BCKDHA: variants seen among roughly 807,000 people sequenced by gnomAD.
BCKDHA encodes 2-oxoisovalerate dehydrogenase subunit alpha, mitochondrial.
Under a neutral mutation model 52.2 loss-of-function variants are expected in BCKDHA, and 43 were observed. The observed-to-expected ratio is 0.82, with a 90% CI of 0.64 to 1.06. The LOEUF (loss-of-function observed/expected upper bound fraction) is 1.06, where lower values mean the gene tolerates loss of function less well. BCKDHA is among the 50% of genes least tolerant of loss of function. The pLI is 0.00. For synonymous variants in BCKDHA, 234 were observed against 247.9 expected, an observed-to-expected ratio of 0.94 and a Z score of 0.53; for missense variants, 527 against 621.3, an observed-to-expected ratio of 0.85 and a Z score of 1.61.
intron 4 of BCKDHA, among the ~76,000 whole-genome samples, chr19:41,414,465 C>T (rs973778354): frequency 1.3e-5 from 2 of 152,140 alleles, no homozygotes; most frequent in African/African-American, 2.4e-5. Context: ...GGGATTATGA[C>T]GGTACCTGCA....
chr19:41,411,218 C>T (rs2039250483), intron 3 of BCKDHA, among the ~76,000 whole-genome samples: 1 of 152,164 alleles, frequency 6.6e-6, no homozygotes, highest in African/African-American at 2.4e-5. Flanking sequence ...CTAAAAAACA[C>T]CTACTGTGTG....
chr19:41,404,053 C>A (rs1231623046), intron 1 of BCKDHA, among the ~76,000 whole-genome samples: 2 of 152,118 alleles, frequency 1.3e-5, no homozygotes, highest in African/African-American at 4.8e-5. Flanking sequence ...GATCTTGGCT[C>A]ACTGCAACCT....
chr19:41,417,414 T>C (rs1318270982), intron 4 of BCKDHA, among the ~76,000 whole-genome samples: 1 of 152,172 alleles, frequency 6.6e-6, no homozygotes, highest in Admixed American at 6.5e-5. Context: ...CAAGGTCCTG[T>C]ATCAGTCCCT....
At chr19:41,420,561 T>C (rs2039353333) in intron 5 of BCKDHA, among the ~76,000 whole-genome samples, 1 of 151,356 alleles carries the variant, frequency 6.6e-6, no homozygotes, top group Admixed American at 6.6e-5. Flanking sequence ...ATCGTGCCAT[T>C]GCACTCTAGC....
At chr19:41,409,112 G>A (rs1599952039) in intron 1 of BCKDHA, among the ~76,000 whole-genome samples, 2 of 152,228 alleles carry the variant, frequency 1.3e-5, no homozygotes, top group East Asian at 3.9e-4. Context: ...ACCACGCCCA[G>A]CTAATTTTTG....
At chr19:41,400,905 G>T (rs1333529563) in intron 1 of BCKDHA, among the ~76,000 whole-genome samples, 2 of 151,536 alleles carry the variant, frequency 1.3e-5, no homozygotes. Context: ...CCAGCTACTT[G>T]GGAGGCTGAG....
chr19:41,422,038 C>T, intron 5 of BCKDHA, 126 bp from the exon 6 acceptor site: 1 of 935,448 alleles, frequency 1.1e-6, no homozygotes, highest in South Asian at 1.4e-5. Context: ...TGAGGTGTTT[C>T]CTTTCCCCTT....
At chr19:41,407,403 C>T (rs2039205216) in intron 1 of BCKDHA, among the ~76,000 whole-genome samples, 1 of 152,166 alleles carries the variant, frequency 6.6e-6, no homozygotes, top group South Asian at 2.1e-4. Flanking sequence ...TCTTGAGTGC[C>T]TGCTGTGAAG....
At chr19:41,414,214 T>C in intron 4 of BCKDHA, 57 bp downstream of exon 4, 1 of 1,490,496 alleles carries the variant, frequency 6.7e-7, no homozygotes, top group South Asian at 1.1e-5. Context: ...ACTTTAGTTT[T>C]TCTGAGTGTT....
At chr19:41,421,143 G>A (rs760504416) in intron 5 of BCKDHA, among the ~76,000 whole-genome samples, 111 of 152,286 alleles carry the variant, frequency 7.3e-4, no homozygotes, top group Non-Finnish European at 1.1e-3. Context: ...AAGGTAATAG[G>A]GTTTCCACAA....
In BCKDHA at chr19:41,424,578, G is replaced by A. The variant is rs755138169; in HGVS notation, c.1308G>A (p.Glu436=). 4 of 1,612,780 alleles carry A rather than the reference G, an allele frequency of 2.5e-6. No homozygotes were observed. The highest frequency in any genetic ancestry group is 3.4e-6 in the Non-Finnish European group (4 of 1,179,112). Residue 436 remains glutamate, a synonymous_variant, in exon 9 of 9, where the codon GAG becomes GAA. Coordinates refer to ENST00000269980, the MANE Select transcript of BCKDHA (RefSeq NM_000709.4). ...SLARHLQTYG[E]HYPLDHFDK is the part of the protein sequence containing the mutation. ...CCCGCCACCTGCAGACCTACGGGGA[G>A]CACTACCCACTGGATCACTTCGATA...
At chr19:41,412,603 C>G (rs1173752749) in intron 3 of BCKDHA, among the ~76,000 whole-genome samples, 3 of 151,618 alleles carry the variant, frequency 2.0e-5, no homozygotes, top group Non-Finnish European at 4.4e-5. Context: ...GTCTCGAACT[C>G]CCTACCTCAG....
In BCKDHA at chr19:41,422,609, C is replaced by T. The variant is rs1419250111; in HGVS notation, c.854-20C>T. On this transcript the variant is annotated intron_variant, in intron 6 of 8. Transcript: ENST00000269980. ...CTTATCTCAGCCCTGGCCTGACCTGCCTTCTCTGTGTCCCCACAGCAGCAC... is the reference window on the plus strand; with the variant it reads ...CTTATCTCAGCCCTGGCCTGACCTGTCTTCTCTGTGTCCCCACAGCAGCAC... 2 of 1,613,584 alleles carry T rather than the reference C, an allele frequency of 1.2e-6. No individual in the cohort carries two copies. The highest frequency in any genetic ancestry group is 8.5e-7 in the Non-Finnish European group (1 of 1,180,038).
chr19:41,418,705 A>ATTTT (rs745426524), intron 4 of BCKDHA: 12 of 406,602 alleles, frequency 3.0e-5, no homozygotes, highest in Admixed American at 8.4e-5. Flanking sequence ...TAATGTTTTG[A>ATTTT]TTTTTTTTTT....
intron 4 of BCKDHA, 109 bp from the exon 5 acceptor site, chr19:41,419,026 C>A: frequency 2.2e-6 from 3 of 1,357,082 alleles, no homozygotes; most frequent in Non-Finnish European, 3.1e-6. Context: ...CCTCTTAAAA[C>A]AAGCCTGAGC....
At chr19:41,424,331 G>A (rs974693257) in intron 8 of BCKDHA, 107 bp from the exon 9 acceptor site, 14 of 1,242,828 alleles carry the variant, frequency 1.1e-5, no homozygotes, top group Admixed American at 6.9e-5. Flanking sequence ...GTCGAGGTGG[G>A]AACACAAAGG....
intron 1 of BCKDHA, among the ~76,000 whole-genome samples, chr19:41,404,214 G>C (rs938829264): frequency 6.6e-6 from 1 of 151,976 alleles, no homozygotes; most frequent in African/African-American, 2.4e-5. Context: ...TCCTGGCTTC[G>C]AGTGAACTGC....
In BCKDHA at chr19:41,412,380, C is replaced by CTTTTTTTTTTTTT. The variant is rs530972813; in HGVS notation, c.375+1377_375+1389dup. 2.7e-4 allele frequency among the ~76,000 whole-genome samples: 18 copies of CTTTTTTTTTTTTT among 65,862 alleles called. 1 individual carries two copies. Among genetic ancestry groups the CTTTTTTTTTTTTT allele is most frequent in the African/African-American group, 5.1e-4 (9 of 17,632 alleles). 43.2% of individuals were successfully genotyped at this position (65,862 alleles called of 152,430 possible). A position where few individuals can be genotyped will look rare whatever the true frequency, so the allele number is the denominator to read the frequency against. On this transcript the variant is annotated intron_variant, in intron 3 of 8. Transcript: ENST00000269980. ...TCATTCCCTCTGTCTGTAGATATTT[C>CTTTTTTTTTTTTT]TTTTTTTTTTTTTTTTTTACTTTTG... is the stretch of plus-strand genomic sequence containing the variant.
At chr19:41,418,738 C>T in intron 4 of BCKDHA, 1 of 447,218 alleles carries the variant, frequency 2.2e-6, no homozygotes, top group Non-Finnish European at 4.4e-6. Flanking sequence ...CGAGGCCTCA[C>T]CATGTTGCTC....
Sources: allele counts gnomAD v4.1 joint callset (sites outside exome capture counted in the v4.1 genomes callset), GRCh38; gene constraint gnomAD v4.1.1; transcripts MANE v1.5; gene names NCBI Gene and HGNC (gene_info 2026-07-23, HGNC 2026-07-21).